SAMD5: variants seen among roughly 807,000 people sequenced by gnomAD.
SAMD5 encodes sterile alpha motif domain containing 5, also known as sterile alpha motif domain-containing protein 5.
In SAMD5, 13 loss-of-function variants were observed where a neutral mutation model predicts 11.3. That is an observed-to-expected ratio of 1.15 (90% CI 0.75 to 1.83). The LOEUF is 1.83. SAMD5 is among the 40% of genes most tolerant of loss of function. The pLI is 0.00. For missense variants in SAMD5, 255 were observed against 239.1 expected (o/e 1.07, Z -0.44); for synonymous variants, 129 against 111.3 (o/e 1.16, Z -1.00).
At chr6:147,580,972 C>G (rs192269961) in intron 1 of SAMD5, among the ~76,000 whole-genome samples, 29 of 152,256 alleles carry the variant, frequency 1.9e-4, no homozygotes, top group Admixed American at 1.8e-3. Flanking sequence ...TCTAATCTAC[C>G]TCTTGACATT....
In SAMD5 at chr6:147,564,288, G is replaced by A. The variant is rs77246332; in HGVS notation, c.460-106G>A. 1,203 of 703,272 alleles carry A rather than the reference G, an allele frequency of 1.7e-3. 8 individuals are homozygous for A. The African/African-American group carries it at 0.019, about 11-fold the overall frequency. The allele number at this position is 703,272 out of a possible 1,614,324, so 43.6% of individuals were successfully genotyped here. A position where few individuals can be genotyped will look rare whatever the true frequency, so the allele number is the denominator to read the frequency against. Reference sequence around the variant, plus strand: ...TCTTCAAAAGTCCATGTGGTAAGCAGAAAGGGACAAGAATGACTTAAAAAT... The same window carrying A: ...TCTTCAAAAGTCCATGTGGTAAGCAAAAAGGGACAAGAATGACTTAAAAAT... On this transcript the variant is annotated intron_variant, in intron 1 of 1. Coordinates refer to ENST00000367474, the MANE Select transcript of SAMD5 (RefSeq NM_001030060.3).
chr6:147,551,619 G>A (rs1375073415), intron 1 of SAMD5, among the ~76,000 whole-genome samples: 3 of 151,510 alleles, frequency 2.0e-5, no homozygotes, highest in Non-Finnish European at 4.4e-5. Context: ...TAACTTCCAT[G>A]ATGTGTGAAT....
At chr6:147,590,073 G>C (rs191151457) in intron 1 of SAMD5, among the ~76,000 whole-genome samples, 10 of 152,282 alleles carry the variant, frequency 6.6e-5, no homozygotes, top group Middle Eastern at 3.4e-3. Context: ...TTTCAAATAA[G>C]ATGCAAATAT....
the SAMD5 span, among the ~76,000 whole-genome samples, chr6:147,949,148 A>G: frequency 6.6e-6 from 1 of 152,154 alleles, no homozygotes; most frequent in Admixed American, 6.5e-5. Flanking sequence ...TAAATTGACA[A>G]AGTTAGCCCG....
intron 1 of SAMD5, among the ~76,000 whole-genome samples, chr6:147,578,279 A>G (rs4896927): frequency 0.64 from 97,798 of 152,044 alleles, 31,611 homozygotes; most frequent in South Asian, 0.75. Context: ...TGTTAGTAGA[A>G]TGTTCTGTTT....
At chr6:147,646,668 TTAGAG>T (rs1181906810) in intron 1 of SAMD5, among the ~76,000 whole-genome samples, 2 of 152,200 alleles carry the variant, frequency 1.3e-5, no homozygotes, top group South Asian at 2.1e-4. Flanking sequence ...TCTTTTAGAA[TTAGAG>T]TAATCATGCT....
chr6:147,618,953 CAT>C (rs1789916724), intron 1 of SAMD5, among the ~76,000 whole-genome samples: 1 of 152,220 alleles, frequency 6.6e-6, no homozygotes, highest in Admixed American at 6.5e-5. Context: ...TTTGCAAAAA[CAT>C]AGCAAAAATG....
the SAMD5 span, among the ~76,000 whole-genome samples, chr6:147,757,806 A>T: frequency 2.0e-5 from 3 of 152,174 alleles, no homozygotes; most frequent in South Asian, 6.2e-4. Flanking sequence ...TTTTTGGTCA[A>T]ATAAAATAGG....
the SAMD5 span, among the ~76,000 whole-genome samples, chr6:147,922,389 C>T: frequency 6.6e-6 from 1 of 152,202 alleles, no homozygotes; most frequent in African/African-American, 2.4e-5. Flanking sequence ...ATTATTGTTA[C>T]ACCTCGTAAT....
chr6:147,738,919 C>T (rs906101223), downstream of SAMD5, among the ~76,000 whole-genome samples: 3 of 152,194 alleles, frequency 2.0e-5, no homozygotes, highest in Admixed American at 2.0e-4. Flanking sequence ...ACACCACACA[C>T]CCCCACCCAC....
chr6:147,856,529 A>T, the SAMD5 span, among the ~76,000 whole-genome samples: 1 of 152,204 alleles, frequency 6.6e-6, no homozygotes, highest in Non-Finnish European at 1.5e-5. Context: ...TTCTTTCAAG[A>T]GATGTAAGAT....
chr6:147,748,253 G>A, the SAMD5 span, among the ~76,000 whole-genome samples: 1 of 152,208 alleles, frequency 6.6e-6, no homozygotes, highest in African/African-American at 2.4e-5. Context: ...CTTGGTATGT[G>A]TGTGGTGGAA....
At chr6:147,712,432 A>G (rs1447900564) in intron 1 of SAMD5, among the ~76,000 whole-genome samples, 5 of 152,202 alleles carry the variant, frequency 3.3e-5, no homozygotes, top group Admixed American at 6.5e-5. Context: ...ATCCCCAGAG[A>G]CTTACAGTAA....
the SAMD5 span, among the ~76,000 whole-genome samples, chr6:147,924,661 A>T: frequency 6.6e-6 from 1 of 151,856 alleles, no homozygotes; most frequent in African/African-American, 2.4e-5. Flanking sequence ...AATCCACAAA[A>T]CTAATATATA....
chr6:147,809,619 C>T, the SAMD5 span, among the ~76,000 whole-genome samples: 3 of 152,242 alleles, frequency 2.0e-5, no homozygotes, highest in East Asian at 1.9e-4. Context: ...AAATGTGGGG[C>T]GGTGTTCTTC....
At chr6:147,794,407 AT>A in the SAMD5 span, among the ~76,000 whole-genome samples, 1 of 152,170 alleles carries the variant, frequency 6.6e-6, no homozygotes, top group Non-Finnish European at 1.5e-5. Context: ...AAGACTTATT[AT>A]TTCTTTAATT....
chr6:147,664,426 T>A (rs1023889202), intron 1 of SAMD5, among the ~76,000 whole-genome samples: 4 of 152,138 alleles, frequency 2.6e-5, no homozygotes, highest in African/African-American at 9.7e-5. Flanking sequence ...AAGGTCCGGG[T>A]ACTTTGCAGA....
the SAMD5 span, among the ~76,000 whole-genome samples, chr6:147,785,058 G>C: frequency 6.6e-6 from 1 of 152,082 alleles, no homozygotes; most frequent in Non-Finnish European, 1.5e-5. Flanking sequence ...ATCCCTTGCT[G>C]TATCCATATG....
chr6:147,716,607 G>A (rs957311582), intron 1 of SAMD5, among the ~76,000 whole-genome samples: 1 of 152,200 alleles, frequency 6.6e-6, no homozygotes, highest in African/African-American at 2.4e-5. Context: ...ATAAGGAGGT[G>A]GGGCTTCCAC....
Sources: gnomAD v4.1 joint callset for allele counts (sites outside exome capture counted in the v4.1 genomes callset) on GRCh38, gnomAD v4.1.1 for gene constraint, MANE v1.5 for transcripts, NCBI Gene and HGNC (gene_info 2026-07-23, HGNC 2026-07-21) for gene names.